Variants in CYRIB observed in about 807,000 individuals in gnomAD.
The protein encoded by CYRIB is CYFIP-related Rac1 interactor B.
In CYRIB, 8 loss-of-function variants were observed where a neutral mutation model predicts 44.2. The observed-to-expected ratio is 0.18, with a 90% CI of 0.11 to 0.33. CYRIB has a LOEUF of 0.33. Among genes scored for constraint, CYRIB ranks in the 10% least tolerant of loss-of-function variants. The probability of loss-of-function intolerance (pLI) is 1.00; values close to 1 mark genes in which losing one functional copy is unlikely to be tolerated. For missense variants in CYRIB, 185 were observed against 382.8 expected (o/e 0.48, Z 4.31); for synonymous variants, 131 against 127.2 (o/e 1.03, Z -0.20).
intron 1 of CYRIB, among the ~76,000 whole-genome samples, chr8:129,931,937 T>C (rs1297179724): frequency 6.6e-6 from 1 of 151,954 alleles, no homozygotes; most frequent in East Asian, 1.9e-4. Context: ...CTTCTTTAAA[T>C]GTCAGATTTA....
upstream of CYRIB, among the ~76,000 whole-genome samples, chr8:129,941,195 TATC>T (rs762906655): frequency 3.9e-5 from 6 of 152,030 alleles, no homozygotes; most frequent in Non-Finnish European, 8.8e-5. Flanking sequence ...TTACCTTAAT[TATC>T]ATACTTCAGG....
chr8:129,939,380 A>G (rs920915020), intron 1 of CYRIB, among the ~76,000 whole-genome samples: 1 of 151,186 alleles, frequency 6.6e-6, no homozygotes, highest in Admixed American at 6.6e-5. Flanking sequence ...GGAAGAAAGG[A>G]AGACCCGAAT....
upstream of CYRIB, among the ~76,000 whole-genome samples, chr8:129,942,477 C>A (rs992658413): frequency 6.6e-6 from 1 of 152,182 alleles, no homozygotes; most frequent in East Asian, 1.9e-4. Context: ...TCCATTACCC[C>A]ACATGGGAAT....
At chr8:129,989,510 G>A (rs2096568321) in intron 1 of CYRIB, among the ~76,000 whole-genome samples, 1 of 152,152 alleles carries the variant, frequency 6.6e-6, no homozygotes, top group South Asian at 2.1e-4. Flanking sequence ...CCCTCTGCAG[G>A]GACCAGGGTG....
chr8:129,863,776 A>AT (rs925243524), intron 4 of CYRIB, among the ~76,000 whole-genome samples: 3 of 152,086 alleles, frequency 2.0e-5, no homozygotes, highest in Non-Finnish European at 4.4e-5. Context: ...AAAAATACAT[A>AT]TTTTTTTGTC....
intron 1 of CYRIB, among the ~76,000 whole-genome samples, chr8:129,926,208 A>C (rs1658945560): frequency 6.6e-6 from 1 of 152,174 alleles, no homozygotes; most frequent in Admixed American, 6.5e-5. Context: ...AAAATCCACA[A>C]CCTTACCACT....
At chr8:129,873,928 T>C (rs1189880494) in intron 3 of CYRIB, among the ~76,000 whole-genome samples, 6 of 152,012 alleles carry the variant, frequency 3.9e-5, no homozygotes, top group Non-Finnish European at 4.4e-5. Flanking sequence ...ATTTATAATT[T>C]TGAAAGCTGC....
intron 1 of CYRIB, among the ~76,000 whole-genome samples, chr8:129,930,120 A>G (rs1415348217): frequency 1.3e-5 from 2 of 151,840 alleles, no homozygotes. Context: ...CTGAGGCAGG[A>G]GAATCACTTG....
At chr8:129,987,606 G>A (rs1294643352) in intron 1 of CYRIB, among the ~76,000 whole-genome samples, 4 of 133,968 alleles carry the variant, frequency 3.0e-5, no homozygotes, top group South Asian at 2.3e-4. Flanking sequence ...GTCTCGCTCC[G>A]TCGCCCAGGC....
intron 1 of CYRIB, among the ~76,000 whole-genome samples, chr8:130,009,168 C>T (rs1280025880): frequency 6.6e-6 from 1 of 152,228 alleles, no homozygotes; most frequent in African/African-American, 2.4e-5. Context: ...CTCCAAGGTC[C>T]TTGCTTCTCA....
At chr8:129,941,339 T>C (rs1290134692), upstream of CYRIB, among the ~76,000 whole-genome samples, 2 of 148,056 alleles carry the variant, frequency 1.4e-5, no homozygotes, top group African/African-American at 5.0e-5. Flanking sequence ...AGTGGCGCGA[T>C]ATCGGCTCAC....
chr8:129,911,057 T>C (rs183776166), intron 1 of CYRIB, among the ~76,000 whole-genome samples: 44 of 152,340 alleles, frequency 2.9e-4, no homozygotes, highest in African/African-American at 1.0e-3. Context: ...TTATGTATTT[T>C]TAAGGAAATA....
chr8:129,853,924 C>G (rs755053691), intron 7 of CYRIB, among the ~76,000 whole-genome samples: 1 of 152,206 alleles, frequency 6.6e-6, no homozygotes, highest in Non-Finnish European at 1.5e-5. Flanking sequence ...CAAGACTCTT[C>G]CATTCTAAGA....
intron 3 of CYRIB, 36 bp downstream of exon 5, chr8:129,879,353 A>G (rs931922021): frequency 2.9e-6 from 4 of 1,392,770 alleles, no homozygotes; most frequent in Non-Finnish European, 4.1e-6. Flanking sequence ...AGTCTACTGC[A>G]GGCAAAGAGA....
intron 4 of CYRIB, among the ~76,000 whole-genome samples, chr8:129,870,444 C>A (rs1309293741): frequency 6.6e-6 from 1 of 152,244 alleles, no homozygotes; most frequent in African/African-American, 2.4e-5. Context: ...ATTTAACTCT[C>A]TCTCTTCCCT....
At chr8:129,889,400 T>C (rs1387510890) in intron 2 of CYRIB, among the ~76,000 whole-genome samples, 1 of 152,250 alleles carries the variant, frequency 6.6e-6, no homozygotes, top group Non-Finnish European at 1.5e-5. Flanking sequence ...AAAGTAATTC[T>C]GGCTCTTAAG....
At chr8:129,980,997 C>T (rs1412339915) in intron 1 of CYRIB, among the ~76,000 whole-genome samples, 1 of 150,776 alleles carries the variant, frequency 6.6e-6, no homozygotes, top group African/African-American at 2.4e-5. Context: ...AAAAAAAACA[C>T]ACACACTCAC....
intron 2 of CYRIB, among the ~76,000 whole-genome samples, chr8:129,966,618 T>A (rs1265602721): frequency 6.6e-6 from 1 of 152,176 alleles, no homozygotes; most frequent in East Asian, 1.9e-4. Context: ...ATCCTAGCAC[T>A]TTGGGAGGCC....
intron 11 of CYRIB, chr8:129,843,978 T>A (rs932326543): frequency 1.3e-5 from 2 of 152,184 alleles, no homozygotes; most frequent in Non-Finnish European, 2.9e-5. Flanking sequence ...AAAAAATCCA[T>A]AAAGGAATAT....
Sources: gnomAD v4.1 joint callset for allele counts (sites outside exome capture counted in the v4.1 genomes callset) on GRCh38, gnomAD v4.1.1 for gene constraint, MANE v1.5 for transcripts, NCBI Gene and HGNC (gene_info 2026-07-23, HGNC 2026-07-21) for gene names.